Variants in FAM227A observed in about 807,000 individuals in gnomAD.
FAM227A encodes the protein family with sequence similarity 227 member A, also known as protein FAM227A.
Under a neutral mutation model 74.7 loss-of-function variants are expected in FAM227A, and 80 were observed. The ratio of observed to expected loss-of-function variants is 1.07; its 90% CI spans 0.89 to 1.29. FAM227A has a LOEUF of 1.29. Ranked by LOEUF, FAM227A falls within the 50% of genes most tolerant of loss-of-function variation. The pLI, the probability that FAM227A is intolerant of heterozygous loss-of-function variation, is 0.00. For synonymous variants in FAM227A, 237 were observed against 241.8 expected (o/e 0.98, Z 0.19); for missense variants, 654 against 683.4 (o/e 0.96, Z 0.48).
chr22:38,620,083 T>TG (rs1309445866), intron 11 of FAM227A, 129 bp downstream of exon 11: 1 of 642,256 alleles, frequency 1.6e-6, no homozygotes, highest in South Asian at 2.0e-5. Context: ...ACTTAGAAGA[T>TG]GGAGTGGACC....
intron 11 of FAM227A, among the ~76,000 whole-genome samples, chr22:38,610,194 T>A (rs1318160349): frequency 6.6e-6 from 1 of 151,740 alleles, no homozygotes; most frequent in Non-Finnish European, 1.5e-5. Context: ...AAAAAAAAAT[T>A]TTTTTTTTGG....
intron 2 of FAM227A, among the ~76,000 whole-genome samples, chr22:38,647,152 A>AT (rs2092254168): frequency 8.3e-6 from 1 of 120,436 alleles, no homozygotes; most frequent in Non-Finnish European, 1.8e-5. Context: ...CCATCTCAAA[A>AT]ATAAATAAAA....
At chr22:38,649,803 G>C (rs1023043354) in intron 2 of FAM227A, 1 of 405,030 alleles carries the variant, frequency 2.5e-6, no homozygotes, top group African/African-American at 2.1e-5. Flanking sequence ...GGGAGGTAGA[G>C]GTTGCAGTGA....
Position 38,607,487 on chromosome 22 carries a change from CAA to C in FAM227A, c.1039-13_1039-12del. 2.0e-6 allele frequency: 3 copies of C among 1,524,480 alleles called. No individual in the cohort carries two copies. Among genetic ancestry groups the C allele is most frequent in the African/African-American group, 1.4e-5 (1 of 72,306 alleles). The allele number at this position is 1,524,480 out of a possible 1,614,324, so 94.4% of individuals were successfully genotyped here. A position where few individuals can be genotyped will look rare whatever the true frequency, so the allele number is the denominator to read the frequency against. On this transcript the variant is annotated splice_polypyrimidine_tract_variant and intron_variant, in intron 11 of 16. Coordinates refer to ENST00000535113, the MANE Select transcript of FAM227A (RefSeq NM_001013647.2). ...ATTTGCACTAGAAGACTTCAGGAGA[CAA>C]GAGAGAGAAAGAGAGGGAGAAAGCG...
intron 3 of FAM227A, among the ~76,000 whole-genome samples, chr22:38,642,465 C>T (rs187531620): frequency 1.3e-5 from 2 of 152,260 alleles, no homozygotes; most frequent in East Asian, 3.9e-4. Flanking sequence ...TTGGGTTTGG[C>T]CATGACTTTT....
rs2090722684 is a variant in FAM227A at position 38,582,525 on chromosome 22, T to G, written c.*3600A>C. Reference sequence around the variant, plus strand: ...CCCCGCTTCCCTTATAAAGGGCAAATAATTCTTCCCCATAATTTTCCCTTC... The same window carrying G: ...CCCCGCTTCCCTTATAAAGGGCAAAGAATTCTTCCCCATAATTTTCCCTTC... On this transcript the variant is annotated 3_prime_UTR_variant, in exon 17 of 17. Transcript: ENST00000535113. The G allele has an allele frequency of 6.3e-6, 7 of 1,112,914 alleles. No individual in the cohort carries two copies. The highest frequency in any genetic ancestry group is 8.9e-6 in the Non-Finnish European group (7 of 785,198). 68.9% of individuals were successfully genotyped at this position (1,112,914 alleles called of 1,614,324 possible).
In FAM227A at chr22:38,579,801, G is replaced by C. The variant is rs898160929; in HGVS notation, c.*6324C>G. On this transcript the variant is annotated 3_prime_UTR_variant, in exon 17 of 17. Transcript: ENST00000535113. ...AATATAACCATAATGCTATTATCACGCCTAGAATAATTTTATATATAAAAT... is the reference window on the plus strand; with the variant it reads ...AATATAACCATAATGCTATTATCACCCCTAGAATAATTTTATATATAAAAT... The C allele has an allele frequency of 6.6e-6, 1 of 151,900 alleles. No individual in the cohort carries two copies. Among genetic ancestry groups the C allele is most frequent in the African/African-American group, 2.4e-5 (1 of 41,334 alleles). 9.4% of individuals were successfully genotyped at this position (151,900 alleles called of 1,614,324 possible). A position where few individuals can be genotyped will look rare whatever the true frequency, so the allele number is the denominator to read the frequency against.
chr22:38,626,547 A>G (rs889123234), intron 8 of FAM227A, among the ~76,000 whole-genome samples: 1 of 150,442 alleles, frequency 6.6e-6, no homozygotes, highest in Non-Finnish European at 1.5e-5. Context: ...ACTTGGCTAT[A>G]CTCTTTAATT....
chr22:38,588,546 G>GA (rs2146123785), intron 16 of FAM227A, among the ~76,000 whole-genome samples: 1 of 149,622 alleles, frequency 6.7e-6, no homozygotes, highest in South Asian at 2.1e-4. Context: ...TTGAACCCGG[G>GA]AAGTGGAGGT....
At chr22:38,618,322 C>T (rs1177888696) in intron 11 of FAM227A, 2 of 152,206 alleles carry the variant, frequency 1.3e-5, no homozygotes, top group Non-Finnish European at 2.9e-5. Context: ...CTGGAGATGG[C>T]ACCCCTTGAA....
At chr22:38,620,181 A>G (rs745639141) in intron 11 of FAM227A, 31 bp downstream of exon 11, 5 of 1,494,184 alleles carry the variant, frequency 3.3e-6, no homozygotes, top group Non-Finnish European at 3.6e-6. Context: ...TGGGACTCCA[A>G]AGGGGTCCTG....
At chr22:38,634,821 T>C (rs1369140042) in intron 6 of FAM227A, among the ~76,000 whole-genome samples, 2 of 152,142 alleles carry the variant, frequency 1.3e-5, no homozygotes, top group East Asian at 3.9e-4. Flanking sequence ...CTGCAGGCCA[T>C]GCCAGCAAAC....
At chr22:38,613,311 A>T (rs1377175531) in intron 11 of FAM227A, among the ~76,000 whole-genome samples, 8 of 62,098 alleles carry the variant, frequency 1.3e-4, no homozygotes, top group African/African-American at 4.7e-4. Flanking sequence ...ATAATATATA[A>T]CATATAATAT....
At chr22:38,614,382 T>C (rs1364689513) in intron 11 of FAM227A, among the ~76,000 whole-genome samples, 1 of 152,210 alleles carries the variant, frequency 6.6e-6, no homozygotes, top group Non-Finnish European at 1.5e-5. Flanking sequence ...CTGGGTCTCA[T>C]AGCAGAAGCC....
chr22:38,588,473 G>C (rs1406987533), intron 16 of FAM227A, among the ~76,000 whole-genome samples: 1 of 150,462 alleles, frequency 6.6e-6, no homozygotes. Context: ...GCAAAAATTA[G>C]CCGGGCGTGG....
intron 9 of FAM227A, among the ~76,000 whole-genome samples, chr22:38,625,281 C>T (rs1027778652): frequency 4.2e-4 from 64 of 151,422 alleles, no homozygotes; most frequent in African/African-American, 1.4e-3. Flanking sequence ...CCCAGCTACT[C>T]GGGAGGCTGA....
chr22:38,646,720 T>C (rs986557293), intron 2 of FAM227A, among the ~76,000 whole-genome samples: 61 of 152,078 alleles, frequency 4.0e-4, no homozygotes, highest in African/African-American at 1.4e-3. Context: ...TTATGAGCAT[T>C]TTTCCCTTTG....
chr22:38,616,203 A>C (rs1468802894), intron 11 of FAM227A, among the ~76,000 whole-genome samples: 2 of 152,220 alleles, frequency 1.3e-5, no homozygotes, highest in African/African-American at 4.8e-5. Context: ...AAGAGAACAA[A>C]GCGTCTCAAG....
intron 3 of FAM227A, among the ~76,000 whole-genome samples, chr22:38,644,826 G>A (rs2092198798): frequency 1.3e-5 from 2 of 152,246 alleles, no homozygotes; most frequent in South Asian, 4.1e-4. Context: ...GGTGGCTCAC[G>A]CCTGTAATCC....
Sources: gnomAD v4.1 joint callset for allele counts (sites outside exome capture counted in the v4.1 genomes callset) on GRCh38, gnomAD v4.1.1 for gene constraint, MANE v1.5 for transcripts, NCBI Gene and HGNC (gene_info 2026-07-23, HGNC 2026-07-21) for gene names.